Variants in HECTD4 observed in about 807,000 individuals in gnomAD.
The protein encoded by HECTD4 is probable E3 ubiquitin-protein ligase HECTD4.
Under a neutral mutation model 471.5 loss-of-function variants are expected in HECTD4, and 114 were observed. That is an observed-to-expected ratio of 0.24 (90% confidence interval 0.21 to 0.28). The LOEUF (loss-of-function observed/expected upper bound fraction) is 0.28, where lower values mean the gene tolerates loss of function less well. HECTD4 is among the 10% of genes least tolerant of loss of function. The pLI, the probability that HECTD4 is intolerant of heterozygous loss-of-function variation, is 1.00. For synonymous variants in HECTD4, 2,012 were observed against 2,256.0 expected (o/e 0.89, Z 3.07); for missense variants, 3,866 against 5,651.5 (o/e 0.68, Z 10.13).
rs756287162 is a variant in HECTD4 at position 112,192,671 on chromosome 12, C to A, written c.9181G>T (p.Ala3061Ser). The A allele has an allele frequency of 2.4e-5, 38 of 1,604,780 alleles. No homozygotes were observed. Among genetic ancestry groups the A allele is most frequent in the Non-Finnish European group, 2.8e-5 (33 of 1,176,152 alleles). Reference protein sequence around the residue: ...RNGQLNLIEAACYPRDASPAN... With the variant: ...RNGQLNLIEASCYPRDASPAN... ...GGGGACGCGTCCCGCGGGTAACAGG[C>A]GGCCTCGATGAGGTTCAGCTGGCCA... Residue 3061 changes from alanine to serine, a missense_variant, in exon 59 of 76, where the codon GCC becomes TCC. Around this residue, in one of 16 missense-constraint regions of HECTD4, gnomAD observed 364 missense variants for 413.2 expected, o/e 0.88. Transcript: ENST00000682272.
intron 1 of HECTD4, among the ~76,000 whole-genome samples, chr12:112,324,030 CTTCCTTCCTTCCTTCCTTTCTTTCT>C (rs2035671237): frequency 2.2e-5 from 1 of 46,064 alleles, no homozygotes; most frequent in Non-Finnish European, 3.3e-5. Context: ...TCCTTCCTTC[CTTCCTTCCTTCCTTCCTTTCTTTCT>C]TTCTTTCTTT....
chr12:112,219,602 A>ATT (rs369653709), intron 44 of HECTD4, 113 bp from the exon 45 acceptor site: 1,246 of 509,546 alleles, frequency 2.4e-3, no homozygotes, highest in South Asian at 3.2e-3. Flanking sequence ...AGCTCATTGA[A>ATT]TTTTTTTTTT....
At chr12:112,360,706 G>A (rs771408793) in intron 1 of HECTD4, among the ~76,000 whole-genome samples, 8 of 152,220 alleles carry the variant, frequency 5.3e-5, no homozygotes, top group East Asian at 3.9e-4. Flanking sequence ...AAGATTGGCC[G>A]GGGGCGGTGG....
chr12:112,331,050 T>C (rs1479818003), intron 1 of HECTD4, among the ~76,000 whole-genome samples: 1 of 151,948 alleles, frequency 6.6e-6, no homozygotes, highest in African/African-American at 2.4e-5. Flanking sequence ...AGGCATCGGT[T>C]TTTTTGTTCT....
chr12:112,341,923 T>C (rs769889409), intron 1 of HECTD4, among the ~76,000 whole-genome samples: 1 of 152,204 alleles, frequency 6.6e-6, no homozygotes, highest in African/African-American at 2.4e-5. Flanking sequence ...GTGAAGCTAA[T>C]ATATGACAAA....
chr12:112,198,980 G>T (rs2032331746), intron 55 of HECTD4, among the ~76,000 whole-genome samples: 1 of 152,216 alleles, frequency 6.6e-6, no homozygotes, highest in African/African-American at 2.4e-5. Context: ...GGTGATGCTT[G>T]TAACTGGGCA....
chr12:112,283,446 C>T (rs763374022), intron 7 of HECTD4, 144 bp from the exon 8 acceptor site: 1 of 599,486 alleles, frequency 1.7e-6, no homozygotes, highest in Non-Finnish European at 2.9e-6. Context: ...CTTAAATGTG[C>T]TATAGAAACT....
At chr12:112,369,324 A>C (rs929576827) in intron 1 of HECTD4, among the ~76,000 whole-genome samples, 1 of 151,468 alleles carries the variant, frequency 6.6e-6, no homozygotes, top group Non-Finnish European at 1.5e-5. Context: ...TGCCTTATTA[A>C]GCAAACCTAG....
intron 21 of HECTD4, 92 bp from the exon 22 acceptor site, chr12:112,254,254 A>G: frequency 2.0e-6 from 3 of 1,470,816 alleles, no homozygotes; most frequent in Non-Finnish European, 2.8e-6. Flanking sequence ...TGTTTAAAAT[A>G]CAATTATAAC....
At chr12:112,324,677 T>G (rs2035705324) in intron 1 of HECTD4, among the ~76,000 whole-genome samples, 2 of 152,182 alleles carry the variant, frequency 1.3e-5, no homozygotes, top group Admixed American at 6.5e-5. Flanking sequence ...TCATTTGTTT[T>G]TTAGTGCTAT....
intron 1 of HECTD4, among the ~76,000 whole-genome samples, chr12:112,344,371 A>G (rs969809217): frequency 1.3e-5 from 2 of 152,224 alleles, no homozygotes; most frequent in African/African-American, 4.8e-5. Context: ...GGTTTCTGTA[A>G]CAATTCAGAT....
At chr12:112,218,080 C>T (rs962965081) in intron 45 of HECTD4, among the ~76,000 whole-genome samples, 4 of 151,580 alleles carry the variant, frequency 2.6e-5, no homozygotes, top group East Asian at 1.9e-4. Flanking sequence ...ATCAGTTGAA[C>T]CCGGGAGGTG....
Position 112,210,059 on chromosome 12 carries a change from T to A in HECTD4, c.7823A>T (p.His2608Leu). ...GGCAGCAATCCGGCATGGTGGCCCA[T>A]GAGTGCCTGGGTCTGATGCAATACT... ...GTSIASDPGT[H>L]GPPCRIAAVA... The change falls in exon 50 of 76, where the codon CAT becomes CTT. Residue 2608 changes from histidine to leucine, a missense_variant. By Grantham distance (99) the His-to-Leu change is moderately conservative (BLOSUM62 -3). This residue lies in a region of HECTD4 where 266 missense variants were observed against 441.6 expected (regional missense o/e 0.60). Coordinates refer to ENST00000682272, the MANE Select transcript of HECTD4 (RefSeq NM_001388303.1). The A allele has an allele frequency of 2.5e-6, 4 of 1,614,036 alleles. No homozygotes were observed.
chr12:112,203,467 A>C (rs1206290509), intron 54 of HECTD4, 169 bp downstream of exon 54: 1 of 546,388 alleles, frequency 1.8e-6, no homozygotes, highest in Non-Finnish European at 3.2e-6. Context: ...GTCCCTGAGG[A>C]AAGCTCAGGC....
intron 72 of HECTD4, 31 bp from the exon 73 acceptor site, chr12:112,164,306 A>G (rs2030834333): frequency 6.3e-7 from 1 of 1,597,084 alleles, no homozygotes; most frequent in Admixed American, 1.7e-5. Flanking sequence ...GAGGCTCATT[A>G]TGAGGCCATG....
intron 38 of HECTD4, among the ~76,000 whole-genome samples, chr12:112,232,288 G>A (rs2033400438): frequency 6.6e-6 from 1 of 152,062 alleles, no homozygotes; most frequent in Non-Finnish European, 1.5e-5. Flanking sequence ...CTGCCACCAC[G>A]TCTGGCTAAT....
At chr12:112,175,953 C>T (rs908091300) in intron 65 of HECTD4, 94 bp from the exon 66 acceptor site, 90 of 1,465,942 alleles carry the variant, frequency 6.1e-5, no homozygotes, top group Middle Eastern at 2.4e-4. Flanking sequence ...CTCTCCCCTA[C>T]GGCCCAACCC....
At chr12:112,351,184 C>T (rs1000853413) in intron 1 of HECTD4, among the ~76,000 whole-genome samples, 3 of 152,182 alleles carry the variant, frequency 2.0e-5, no homozygotes, top group African/African-American at 7.2e-5. Context: ...CTGCACTCCC[C>T]TCCTGACTTG....
intron 66 of HECTD4, among the ~76,000 whole-genome samples, 194 bp downstream of exon 66, chr12:112,175,542 G>A (rs922088293): frequency 2.6e-5 from 4 of 152,202 alleles, no homozygotes; most frequent in Admixed American, 1.3e-4. Context: ...TCAGGAGTGT[G>A]GAGAAAAAGA....
Sources: gnomAD v4.1 joint callset for allele counts (sites outside exome capture counted in the v4.1 genomes callset) on GRCh38, gnomAD v4.1.1 for gene constraint, gnomAD v4.1.1 regional missense constraint, MANE v1.5 for transcripts, NCBI Gene and HGNC (gene_info 2026-07-23, HGNC 2026-07-21) for gene names.